The following SGMS1 variants were observed in gnomAD, a reference collection of about 807,000 sequenced individuals.
The protein encoded by SGMS1 is sphingomyelin synthase 1.
Under a neutral mutation model 46.2 loss-of-function variants are expected in SGMS1, and 13 were observed. That is an observed-to-expected ratio of 0.28 (90% CI 0.18 to 0.45). The LOEUF (loss-of-function observed/expected upper bound fraction) is 0.45. Ranked by LOEUF, SGMS1 falls within the 20% of genes least tolerant of loss-of-function variation. SGMS1 has a pLI of 1.00. For missense variants in SGMS1, 324 were observed against 519.9 expected, an observed-to-expected ratio of 0.62 and a Z score of 3.66; for synonymous variants, 203 against 187.8, an observed-to-expected ratio of 1.08 and a Z score of -0.66.
chr10:50,506,303 G>C (rs1454228722), intron 3 of SGMS1, among the ~76,000 whole-genome samples: 1 of 152,166 alleles, frequency 6.6e-6, no homozygotes, highest in African/African-American at 2.4e-5. Flanking sequence ...AGACCATATT[G>C]ATTGTACTCA....
intron 6 of SGMS1, among the ~76,000 whole-genome samples, chr10:50,425,438 C>T (rs1849312716): frequency 6.6e-6 from 1 of 152,146 alleles, no homozygotes; most frequent in Admixed American, 6.5e-5. Flanking sequence ...AAATCATGTC[C>T]TTTGCAGCAA....
intron 5 of SGMS1, among the ~76,000 whole-genome samples, chr10:50,458,331 CTTTTTCTCTT>C (rs1837218209): frequency 1.0e-5 from 1 of 97,554 alleles, no homozygotes; most frequent in South Asian, 3.5e-4. Flanking sequence ...CTGCTATTTT[CTTTTTCTCTT>C]TTTTTTTTTT....
chr10:50,522,344 T>C (rs1417468835), intron 2 of SGMS1, among the ~76,000 whole-genome samples: 1 of 152,172 alleles, frequency 6.6e-6, no homozygotes, highest in Non-Finnish European at 1.5e-5. Flanking sequence ...AAAAATGTTA[T>C]GGGCTCATCT....
chr10:50,448,208 C>T (rs1456692146), intron 5 of SGMS1, among the ~76,000 whole-genome samples: 1 of 151,928 alleles, frequency 6.6e-6, no homozygotes, highest in East Asian at 1.9e-4. Context: ...GCTGTGATGG[C>T]TCCACTGCAC....
chr10:50,580,426 C>G (rs1201621659), intron 2 of SGMS1, among the ~76,000 whole-genome samples: 1 of 150,570 alleles, frequency 6.6e-6, no homozygotes, highest in Non-Finnish European at 1.5e-5. Flanking sequence ...AGTTAGGGAC[C>G]CCCCCCCAAA....
chr10:50,322,106 T>G (rs1251473883), intron 8 of SGMS1, among the ~76,000 whole-genome samples: 1 of 152,186 alleles, frequency 6.6e-6, no homozygotes, highest in Non-Finnish European at 1.5e-5. Context: ...TTCACTTATG[T>G]CAGAGGCAAA....
At chr10:50,330,173 G>A (rs11005213) in intron 7 of SGMS1, among the ~76,000 whole-genome samples, 23,443 of 152,030 alleles carry the variant, frequency 0.15, 2,239 homozygotes, top group Admixed American at 0.22. Context: ...CTGAAGAAAG[G>A]TCAGGCATGG....
At chr10:50,440,565 C>T (rs144897463) in intron 5 of SGMS1, among the ~76,000 whole-genome samples, 25 of 152,162 alleles carry the variant, frequency 1.6e-4, no homozygotes, top group Admixed American at 1.3e-3. Flanking sequence ...AAAAATAGCA[C>T]GAACTGTTTA....
At chr10:50,355,843 G>A (rs367646469) in intron 6 of SGMS1, among the ~76,000 whole-genome samples, 2 of 151,890 alleles carry the variant, frequency 1.3e-5, no homozygotes, top group Non-Finnish European at 2.9e-5. Flanking sequence ...CCTCTGCCCC[G>A]CCGCCCTGTC....
At chr10:50,318,365 A>G (rs1353244694) in intron 8 of SGMS1, among the ~76,000 whole-genome samples, 2 of 152,200 alleles carry the variant, frequency 1.3e-5, no homozygotes, top group African/African-American at 4.8e-5. Context: ...TAAAATGGCA[A>G]GAACATTTTC....
intron 6 of SGMS1, among the ~76,000 whole-genome samples, chr10:50,369,378 G>T (rs1041492246): frequency 2.0e-5 from 3 of 152,062 alleles, no homozygotes; most frequent in Non-Finnish European, 1.5e-5. Flanking sequence ...CATGCTTATG[G>T]TCCCAGCTAC....
At chr10:50,311,584 C>A (rs536241231) in intron 8 of SGMS1, among the ~76,000 whole-genome samples, 169 bp from the exon 9 acceptor site, 2 of 33,414 alleles carry the variant, frequency 6.0e-5, no homozygotes, top group Admixed American at 2.8e-4. Context: ...GCCCTTGGGG[C>A]GGGGGGGTGG....
intron 5 of SGMS1, among the ~76,000 whole-genome samples, chr10:50,438,008 C>T (rs188797597): frequency 2.0e-5 from 3 of 152,178 alleles, no homozygotes; most frequent in Non-Finnish European, 4.4e-5. Context: ...AAAAGCCACT[C>T]AGGGCTGTTG....
intron 2 of SGMS1, among the ~76,000 whole-genome samples, chr10:50,555,146 C>T (rs1838179949): frequency 6.6e-6 from 1 of 152,156 alleles, no homozygotes; most frequent in African/African-American, 2.4e-5. Flanking sequence ...GCCAAGGCTT[C>T]CCACGTGGCA....
At chr10:50,607,808 C>A (rs865806712) in intron 1 of SGMS1, among the ~76,000 whole-genome samples, 1 of 152,158 alleles carries the variant, frequency 6.6e-6, no homozygotes, top group Non-Finnish European at 1.5e-5. Flanking sequence ...CCAGGAGTCA[C>A]AGAGAAGACA....
chr10:50,478,723 G>C (rs1433107278), intron 3 of SGMS1, among the ~76,000 whole-genome samples: 4 of 152,164 alleles, frequency 2.6e-5, no homozygotes, highest in Non-Finnish European at 5.9e-5. Flanking sequence ...GTCTCCTACT[G>C]AGATTAAAAA....
intron 1 of SGMS1, among the ~76,000 whole-genome samples, chr10:50,607,511 AG>A (rs1295054124): frequency 6.6e-6 from 1 of 152,230 alleles, no homozygotes; most frequent in Non-Finnish European, 1.5e-5. Context: ...GTGAAAGCTA[AG>A]ATGCAGATGG....
At chr10:50,447,725 AT>A (rs1292595654) in intron 5 of SGMS1, among the ~76,000 whole-genome samples, 6 of 152,224 alleles carry the variant, frequency 3.9e-5, no homozygotes, top group Admixed American at 2.0e-4. Flanking sequence ...TAACTAACAT[AT>A]GCATTACCTC....
At chr10:50,581,814 C>G (rs1309709078) in intron 2 of SGMS1, among the ~76,000 whole-genome samples, 1 of 152,138 alleles carries the variant, frequency 6.6e-6, no homozygotes, top group African/African-American at 2.4e-5. Flanking sequence ...AAAGAAACAA[C>G]AAAAACAATG....
Sources: gnomAD v4.1 joint callset for allele counts (sites outside exome capture counted in the v4.1 genomes callset) on GRCh38, gnomAD v4.1.1 for gene constraint, MANE v1.5 for transcripts, NCBI Gene and HGNC (gene_info 2026-07-23, HGNC 2026-07-21) for gene names.